Variants in CNTNAP5 observed in about 807,000 individuals in gnomAD.
The protein encoded by CNTNAP5 is contactin-associated protein-like 5.
A neutral mutation model predicts 150.2 loss-of-function variants in CNTNAP5; 72 were observed. The observed-to-expected ratio is 0.48, with a 90% CI of 0.40 to 0.58. The LOEUF is 0.58. CNTNAP5 is among the 20% of genes least tolerant of loss of function. The pLI is 0.00. For missense variants in CNTNAP5, 1,636 were observed against 1,626.2 expected (o/e 1.01, Z -0.10); for synonymous variants, 672 against 619.8 (o/e 1.08, Z -1.25).
intron 1 of CNTNAP5, among the ~76,000 whole-genome samples, chr2:124,139,658 C>G (rs919195046): frequency 2.0e-5 from 3 of 152,186 alleles, no homozygotes; most frequent in Non-Finnish European, 2.9e-5. Context: ...TTATATCCTT[C>G]CTTCGGTCTC....
intron 3 of CNTNAP5, among the ~76,000 whole-genome samples, chr2:124,408,946 G>T (rs1260053243): frequency 6.6e-6 from 1 of 151,348 alleles, no homozygotes; most frequent in Non-Finnish European, 1.5e-5. Flanking sequence ...CTGAGCTATG[G>T]GAGGACATTC....
chr2:124,217,475 C>T (rs1352966480), intron 1 of CNTNAP5, among the ~76,000 whole-genome samples: 1 of 152,082 alleles, frequency 6.6e-6, no homozygotes, highest in Non-Finnish European at 1.5e-5. Flanking sequence ...TTTCCTTGCT[C>T]CCCAGCCATG....
intron 19 of CNTNAP5, among the ~76,000 whole-genome samples, chr2:124,840,434 T>C (rs920675270): frequency 6.6e-6 from 1 of 152,092 alleles, no homozygotes; most frequent in Non-Finnish European, 1.5e-5. Context: ...TCATGACATT[T>C]GTTTTGTTTG....
intron 13 of CNTNAP5, among the ~76,000 whole-genome samples, chr2:124,684,653 C>T (rs1227365597): frequency 6.6e-6 from 1 of 152,100 alleles, no homozygotes; most frequent in Admixed American, 6.6e-5. Flanking sequence ...GAGGAGGATC[C>T]CACCTTGCGG....
intron 1 of CNTNAP5, among the ~76,000 whole-genome samples, chr2:124,153,603 CTTTTTT>C (rs948493792): frequency 5.3e-4 from 45 of 85,072 alleles, no homozygotes; most frequent in Non-Finnish European, 9.5e-4. Flanking sequence ...CCCCCCGGGA[CTTTTTT>C]TTTTTTTTTT....
intron 3 of CNTNAP5, among the ~76,000 whole-genome samples, chr2:124,335,804 G>A (rs904554424): frequency 2.0e-5 from 3 of 151,956 alleles, no homozygotes; most frequent in South Asian, 2.1e-4. Context: ...AGTGGATCAC[G>A]ATGATTGTGG....
At chr2:124,776,190 G>A (rs555825697) in intron 17 of CNTNAP5, among the ~76,000 whole-genome samples, 1 of 152,196 alleles carries the variant, frequency 6.6e-6, no homozygotes, top group East Asian at 1.9e-4. Flanking sequence ...CAAAATATGC[G>A]GCAATTATAG....
intron 19 of CNTNAP5, among the ~76,000 whole-genome samples, chr2:124,834,302 C>T (rs1308208441): frequency 6.6e-6 from 1 of 152,110 alleles, no homozygotes; most frequent in Non-Finnish European, 1.5e-5. Flanking sequence ...ACCCTCTTTG[C>T]CCCAACTTAC....
chr2:124,714,472 T>G (rs2105109126), intron 13 of CNTNAP5, among the ~76,000 whole-genome samples: 1 of 152,184 alleles, frequency 6.6e-6, no homozygotes, highest in African/African-American at 2.4e-5. Flanking sequence ...TTGTAGTGGT[T>G]TTTAGGTGAG....
chr2:124,846,540 T>TA (rs1683051538), intron 19 of CNTNAP5, among the ~76,000 whole-genome samples: 1 of 152,216 alleles, frequency 6.6e-6, no homozygotes. Context: ...TTGATTAGCT[T>TA]AAAAATTGAC....
chr2:124,836,431 A>G (rs867482191), intron 19 of CNTNAP5, among the ~76,000 whole-genome samples: 20 of 152,278 alleles, frequency 1.3e-4, no homozygotes, highest in Middle Eastern at 6.8e-3. Flanking sequence ...ATTGTCAAAT[A>G]TTCATGTCAG....
chr2:124,159,959 C>T (rs1278569213), intron 1 of CNTNAP5, among the ~76,000 whole-genome samples: 1 of 152,150 alleles, frequency 6.6e-6, no homozygotes, highest in Admixed American at 6.5e-5. Flanking sequence ...AAGCAATATT[C>T]CTGTTTTTTA....
At chr2:124,660,406 G>A (rs1427326999) in intron 13 of CNTNAP5, among the ~76,000 whole-genome samples, 1 of 152,216 alleles carries the variant, frequency 6.6e-6, no homozygotes. Context: ...AATGAACCAA[G>A]TAGTATCTAA....
intron 1 of CNTNAP5, among the ~76,000 whole-genome samples, chr2:124,217,080 G>T (rs1231142566): frequency 6.6e-6 from 1 of 152,064 alleles, no homozygotes; most frequent in African/African-American, 2.4e-5. Context: ...AGCTTTTAAA[G>T]ATCTCATTTT....
chr2:124,815,015 G>A (rs1682330667), intron 19 of CNTNAP5, among the ~76,000 whole-genome samples: 1 of 152,170 alleles, frequency 6.6e-6, no homozygotes, highest in South Asian at 2.1e-4. Flanking sequence ...GATTAGAGAT[G>A]AAGTGCCTGC....
At chr2:124,044,245 T>C (rs1428369545) in intron 1 of CNTNAP5, among the ~76,000 whole-genome samples, 3 of 152,222 alleles carry the variant, frequency 2.0e-5, no homozygotes, top group Non-Finnish European at 4.4e-5. Flanking sequence ...ATATGGTTAA[T>C]ACCATTATTC....
chr2:124,847,252 C>A (rs1293901864), intron 19 of CNTNAP5, among the ~76,000 whole-genome samples: 1 of 152,148 alleles, frequency 6.6e-6, no homozygotes, highest in Non-Finnish European at 1.5e-5. Flanking sequence ...GCAGGGCTTT[C>A]TGAGTTCAGC....
intron 4 of CNTNAP5, among the ~76,000 whole-genome samples, chr2:124,428,188 C>T (rs907804651): frequency 6.6e-6 from 1 of 152,252 alleles, no homozygotes; most frequent in East Asian, 1.9e-4. Flanking sequence ...CCCACCACAC[C>T]CCCACCTCAC....
intron 1 of CNTNAP5, among the ~76,000 whole-genome samples, chr2:124,041,858 CAT>C (rs10565274): frequency 0.99 from 148,936 of 150,780 alleles, 73,573 homozygotes; most frequent in Middle Eastern, 1. Flanking sequence ...TGTCAAATTA[CAT>C]ATATATATAT....
Sources: gnomAD v4.1 joint callset for allele counts (sites outside exome capture counted in the v4.1 genomes callset) on GRCh38, gnomAD v4.1.1 for gene constraint, MANE v1.5 for transcripts, NCBI Gene and HGNC (gene_info 2026-07-23, HGNC 2026-07-21) for gene names.